The following CAPZB variants were observed in gnomAD, a reference collection of about 807,000 sequenced individuals.
CAPZB encodes the protein capping actin protein of muscle Z-line subunit beta.
A neutral mutation model predicts 38.1 loss-of-function variants in CAPZB; 2 were observed. The observed-to-expected ratio is 0.05, with a 90% CI of 0.02 to 0.17. The LOEUF (loss-of-function observed/expected upper bound fraction) is 0.17, where lower values mean the gene tolerates loss of function less well. Among genes scored for constraint, CAPZB ranks in the 10% least tolerant of loss-of-function variants. The pLI is 1.00. For synonymous variants in CAPZB, 107 were observed against 127.4 expected (o/e 0.84, Z 1.08); for missense variants, 161 against 334.2 (o/e 0.48, Z 4.04).
At chr1:19,425,525 G>T (rs1441654557) in intron 1 of CAPZB, among the ~76,000 whole-genome samples, 1 of 152,070 alleles carries the variant, frequency 6.6e-6, no homozygotes, top group East Asian at 1.9e-4. Flanking sequence ...AGCTGGCAAG[G>T]CTCCAAGGGG....
intron 2 of CAPZB, among the ~76,000 whole-genome samples, chr1:19,408,732 G>A (rs1441233843): frequency 2.6e-5 from 4 of 152,168 alleles, no homozygotes; most frequent in Non-Finnish European, 5.9e-5. Context: ...GCAGAGTGGG[G>A]GCCCGAGACC....
intron 1 of CAPZB, among the ~76,000 whole-genome samples, chr1:19,448,619 T>C (rs4912096): frequency 0.26 from 39,165 of 152,132 alleles, 5,123 homozygotes; most frequent in Non-Finnish European, 0.27. Context: ...ATGATTCACA[T>C]TAGAAGCTGC....
chr1:19,417,184 G>A (rs948345770), intron 2 of CAPZB, among the ~76,000 whole-genome samples: 15 of 152,142 alleles, frequency 9.9e-5, no homozygotes, highest in African/African-American at 3.4e-4. Flanking sequence ...AGAGTGATGA[G>A]GGAGTCCCGG....
intron 2 of CAPZB, among the ~76,000 whole-genome samples, chr1:19,401,800 C>T (rs1194042326): frequency 3.9e-5 from 6 of 152,264 alleles, no homozygotes; most frequent in South Asian, 2.1e-4. Flanking sequence ...CATAGGCTGA[C>T]GACCTATAAT....
chr1:19,356,884 CAA>C lies in CAPZB; in HGVS notation c.472-135_472-134del, dbSNP rs2100316937. On this transcript the variant is annotated intron_variant, in intron 5 of 8. Transcript: ENST00000264202. This position sits in a 1 kb window ranked among gnomAD's most constrained non-coding sequence, Gnocchi z 4.3. The stretch of plus-strand genomic sequence containing the variant: ...ACCTTTTTTTTTTTTAAATTGGAGA[CAA>C]AGTCTCGCTCTGTCACCCAGGCTGG... The C allele has an allele frequency of 9.2e-6, 6 of 655,330 alleles. No homozygotes were observed. In the East Asian group the frequency reaches 1.6e-4, roughly 17 times the overall value. 40.6% of individuals were successfully genotyped at this position (655,330 alleles called of 1,614,324 possible).
chr1:19,440,772 G>A (rs998561689), intron 1 of CAPZB, among the ~76,000 whole-genome samples: 5 of 152,152 alleles, frequency 3.3e-5, no homozygotes, highest in Non-Finnish European at 5.9e-5. Context: ...AAAAGTTATA[G>A]CTGCTAGGCC....
At chr1:19,366,454 C>T (rs563522096) in intron 4 of CAPZB, among the ~76,000 whole-genome samples, 100 of 151,734 alleles carry the variant, frequency 6.6e-4, no homozygotes, top group African/African-American at 2.3e-3. Context: ...TTTGGGAAGC[C>T]GAGGCCGGCA....
At chr1:19,484,935 C>G (rs1274135992) in intron 1 of CAPZB, among the ~76,000 whole-genome samples, 2 of 152,080 alleles carry the variant, frequency 1.3e-5, no homozygotes, top group East Asian at 3.9e-4. Flanking sequence ...AGGGGCTGAC[C>G]GGGGTCCAGC....
intron 4 of CAPZB, among the ~76,000 whole-genome samples, chr1:19,372,419 A>C (rs1352791742): frequency 6.6e-6 from 1 of 152,324 alleles, no homozygotes; most frequent in East Asian, 1.9e-4. Context: ...CCCAGGCAGA[A>C]CCCGGGGCCG....
intron 2 of CAPZB, among the ~76,000 whole-genome samples, chr1:19,414,635 T>C (rs2094371431): frequency 6.6e-6 from 1 of 152,192 alleles, no homozygotes; most frequent in Admixed American, 6.5e-5. Flanking sequence ...AGGCAAAGGA[T>C]GGAAGGCCTG....
intron 4 of CAPZB, among the ~76,000 whole-genome samples, chr1:19,360,824 G>A (rs1367234385): frequency 1.3e-5 from 2 of 152,308 alleles, no homozygotes; most frequent in East Asian, 3.9e-4. Flanking sequence ...GCTGGAGCCA[G>A]GGGAGGTAAA....
rs1236665968 is a variant in CAPZB at position 19,402,818 on chromosome 1, C to T, written c.93+16843G>A. 4.6e-5 allele frequency among the ~76,000 whole-genome samples: 7 copies of T among 152,258 alleles called. No homozygotes were observed. In the East Asian group the frequency reaches 1.4e-3, roughly 29 times the overall value. On this transcript the variant is annotated intron_variant, in intron 2 of 8. Transcript: ENST00000264202. The stretch of plus-strand genomic sequence containing the variant: ...ATCCCAGCACTTTGGAAGGCCGAGG[C>T]GGGTAGATCACCTGAGGTCAGGAGT...
Position 19,466,421 on chromosome 1 carries a change from C to CT in CAPZB, c.3+19014dup, listed in dbSNP as rs563556351. ...TTCCTGAGCTGCAACGTTTTTCAAT[C>CT]TTTTGAGCTCATAGATCACATGTCT... is the stretch of plus-strand genomic sequence containing the variant. On this transcript the variant is annotated intron_variant, in intron 1 of 8. Transcript: ENST00000264202. Among the ~76,000 whole-genome samples the CT allele has an allele frequency of 1.1e-3, 166 of 152,306 alleles. 2 individuals are homozygous for CT. The highest frequency in any genetic ancestry group is 0.01 in the Middle Eastern group (3 of 294).
intron 1 of CAPZB, among the ~76,000 whole-genome samples, chr1:19,446,364 G>C (rs1161593843): frequency 1.3e-5 from 2 of 152,214 alleles, no homozygotes; most frequent in African/African-American, 4.8e-5. Context: ...AAAAGTTAAA[G>C]TGAGTAATAT....
chr1:19,432,042 C>CAAAAAAAA (rs10583269), intron 1 of CAPZB, among the ~76,000 whole-genome samples: 7 of 122,542 alleles, frequency 5.7e-5, no homozygotes, highest in East Asian at 2.4e-4. Context: ...GATCCTGTCT[C>CAAAAAAAA]AAAAAAAAAA....
Position 19,345,263 on chromosome 1 carries a change from C to G in CAPZB, c.589-11G>C. 1 of 1,609,836 alleles carries G rather than the reference C, an allele frequency of 6.2e-7. No individual in the cohort carries two copies. Among genetic ancestry groups the G allele is most frequent in the African/African-American group, 1.3e-5 (1 of 74,986 alleles). ...TTCATCCTTCTCCATCTGCAAAAGA[C>G]AGAAACATTCCAAGTCAGAGAAAGC... On this transcript the variant is annotated splice_polypyrimidine_tract_variant and intron_variant, in intron 6 of 8. Transcript: ENST00000264202.
chr1:19,480,300 T>A (rs1008842820), intron 1 of CAPZB, among the ~76,000 whole-genome samples: 5 of 152,194 alleles, frequency 3.3e-5, no homozygotes, highest in Non-Finnish European at 7.4e-5. Flanking sequence ...AGTAAGTACA[T>A]TACAAATTTC....
chr1:19,374,491 C>T (rs532686112), intron 4 of CAPZB: 1 of 152,382 alleles, frequency 6.6e-6, no homozygotes, highest in Non-Finnish European at 1.5e-5. Flanking sequence ...TCAACACAGT[C>T]TGCTCTTCCA....
rs953808045 is a variant in CAPZB at position 19,339,079 on chromosome 1, A to C, written c.*451T>G. On this transcript the variant is annotated 3_prime_UTR_variant, in exon 9 of 9. Coordinates refer to ENST00000264202, the MANE Select transcript of CAPZB (RefSeq NM_004930.5). Reference sequence around the variant, plus strand: ...CCTGTCCCCACGACCCCCAACCCCAAGCAACTCCCAAACACACACGGAATA... The same window carrying C: ...CCTGTCCCCACGACCCCCAACCCCACGCAACTCCCAAACACACACGGAATA... 79 of 153,780 alleles carry C rather than the reference A, an allele frequency of 5.1e-4. No homozygotes were observed. Among genetic ancestry groups the C allele is most frequent in the African/African-American group, 1.9e-3 (77 of 39,496 alleles). 9.5% of individuals were successfully genotyped at this position (153,780 alleles called of 1,614,324 possible). A position where few individuals can be genotyped will look rare whatever the true frequency, so the allele number is the denominator to read the frequency against.
Sources: gnomAD v4.1 joint callset for allele counts (sites outside exome capture counted in the v4.1 genomes callset) on GRCh38, gnomAD v4.1.1 for gene constraint, Gnocchi (gnomAD v3.1) non-coding constraint, MANE v1.5 for transcripts, NCBI Gene and HGNC (gene_info 2026-07-23, HGNC 2026-07-21) for gene names.